COL25A1: variants seen among roughly 807,000 people sequenced by gnomAD.
The protein encoded by COL25A1 is collagen type XXV alpha 1 chain.
A neutral mutation model predicts 128.4 loss-of-function variants in COL25A1; 103 were observed. The observed-to-expected ratio is 0.80, with a 90% CI of 0.68 to 0.94. COL25A1 has a LOEUF of 0.94. Among genes scored for constraint, COL25A1 ranks in the 40% least tolerant of loss-of-function variants. The pLI is 0.00. For missense variants in COL25A1, 745 were observed against 840.0 expected (o/e 0.89, Z 1.40); for synonymous variants, 279 against 277.2 (o/e 1.01, Z -0.06).
At chr4:109,289,699 G>A (rs1245415230) in intron 3 of COL25A1, among the ~76,000 whole-genome samples, 1 of 152,048 alleles carries the variant, frequency 6.6e-6, no homozygotes, top group Non-Finnish European at 1.5e-5. Context: ...GAGAAAGGGA[G>A]GGAAGATAGG....
intron 13 of COL25A1, among the ~76,000 whole-genome samples, chr4:108,909,228 T>C (rs1743918629): frequency 6.6e-6 from 1 of 152,210 alleles, no homozygotes; most frequent in Admixed American, 6.5e-5. Flanking sequence ...AAGATGGAGT[T>C]GGTTGAGTCT....
chr4:109,174,118 G>C (rs1055951451), intron 3 of COL25A1, among the ~76,000 whole-genome samples: 1 of 152,118 alleles, frequency 6.6e-6, no homozygotes, highest in African/African-American at 2.4e-5. Flanking sequence ...TCTAAATTCT[G>C]TCCATAGACT....
At chr4:109,300,729 C>G (rs897518696) in intron 2 of COL25A1, 77 bp from the exon 3 acceptor site, 5 of 969,280 alleles carry the variant, frequency 5.2e-6, no homozygotes, top group Admixed American at 3.7e-5. Flanking sequence ...TCTGGCCATA[C>G]GCCTGATTTA....
chr4:108,860,418 T>A (rs1016753438), intron 23 of COL25A1, among the ~76,000 whole-genome samples: 12 of 152,156 alleles, frequency 7.9e-5, no homozygotes, highest in African/African-American at 2.7e-4. Context: ...TAGAACATTG[T>A]TCTGTAGAAA....
intron 3 of COL25A1, among the ~76,000 whole-genome samples, chr4:109,089,773 T>C (rs777367102): frequency 6.6e-5 from 10 of 152,220 alleles, no homozygotes; most frequent in South Asian, 6.2e-4. Context: ...GCCTGGCTAA[T>C]TTTTATATTT....
intron 26 of COL25A1, among the ~76,000 whole-genome samples, chr4:108,849,111 T>C (rs541603487): frequency 4.6e-5 from 7 of 152,314 alleles, no homozygotes; most frequent in African/African-American, 1.7e-4. Context: ...TAGCTGACCA[T>C]ATCCTATAGC....
chr4:109,115,897 T>C (rs1767503867), intron 3 of COL25A1, among the ~76,000 whole-genome samples: 1 of 152,006 alleles, frequency 6.6e-6, no homozygotes, highest in Non-Finnish European at 1.5e-5. Context: ...GCACCTACCA[T>C]GTATCCTAGA....
intron 13 of COL25A1, among the ~76,000 whole-genome samples, chr4:108,907,177 T>G (rs1293451116): frequency 1.3e-5 from 2 of 151,764 alleles, no homozygotes; most frequent in Non-Finnish European, 2.9e-5. Context: ...GCGAGGCGAG[T>G]GCGAGTTAGA....
intron 3 of COL25A1, among the ~76,000 whole-genome samples, chr4:109,058,268 A>G (rs910496326): frequency 2.0e-5 from 3 of 152,170 alleles, no homozygotes; most frequent in Non-Finnish European, 4.4e-5. Flanking sequence ...GGGATTTATC[A>G]TGACAGCTTT....
intron 3 of COL25A1, among the ~76,000 whole-genome samples, chr4:109,107,751 T>C (rs188089194): frequency 4.0e-5 from 6 of 151,808 alleles, no homozygotes; most frequent in Admixed American, 3.3e-4. Flanking sequence ...CCAGAACTGA[T>C]AGCCTTTACA....
intron 3 of COL25A1, among the ~76,000 whole-genome samples, chr4:109,273,171 C>T (rs758948707): frequency 2.0e-5 from 3 of 152,116 alleles, no homozygotes; most frequent in Non-Finnish European, 4.4e-5. Flanking sequence ...CCACTATAGC[C>T]ATAGGCTCAC....
chr4:109,104,606 T>A (rs1766232971), intron 3 of COL25A1, among the ~76,000 whole-genome samples: 1 of 151,762 alleles, frequency 6.6e-6, no homozygotes, highest in Admixed American at 6.6e-5. Flanking sequence ...TAACTACCAA[T>A]TAGAAGGAAA....
At chr4:109,278,410 T>C (rs1262796672) in intron 3 of COL25A1, among the ~76,000 whole-genome samples, 4 of 152,218 alleles carry the variant, frequency 2.6e-5, no homozygotes, top group Admixed American at 2.6e-4. Context: ...ATGCCTTAAA[T>C]TATTAATTTG....
chr4:109,198,999 G>A (rs1433036076), intron 3 of COL25A1, among the ~76,000 whole-genome samples: 1 of 152,124 alleles, frequency 6.6e-6, no homozygotes, highest in African/African-American at 2.4e-5. Flanking sequence ...TAACATGGAG[G>A]TGCACAGGTA....
At chr4:109,221,673 A>G (rs919427405) in intron 3 of COL25A1, among the ~76,000 whole-genome samples, 2 of 152,182 alleles carry the variant, frequency 1.3e-5, no homozygotes, top group Non-Finnish European at 2.9e-5. Flanking sequence ...TTGTGAAGTC[A>G]CTGCAATGCT....
intron 13 of COL25A1, among the ~76,000 whole-genome samples, chr4:108,912,395 C>CA (rs1305902032): frequency 1.3e-5 from 2 of 152,016 alleles, no homozygotes; most frequent in Non-Finnish European, 2.9e-5. Flanking sequence ...ACTTTTAACA[C>CA]AAAAAAGATT....
At chr4:109,244,118 G>T (rs1780094443) in intron 3 of COL25A1, among the ~76,000 whole-genome samples, 1 of 146,318 alleles carries the variant, frequency 6.8e-6, no homozygotes, top group Non-Finnish European at 1.5e-5. Flanking sequence ...TATCCCGGAA[G>T]AAGTAAAGAG....
intron 3 of COL25A1, among the ~76,000 whole-genome samples, chr4:109,114,308 G>A (rs370006621): frequency 6.6e-6 from 1 of 151,826 alleles, no homozygotes; most frequent in Non-Finnish European, 1.5e-5. Context: ...TAGTTCCTGA[G>A]ATCAACAGGA....
At chr4:109,080,990 G>A (rs1763785919) in intron 3 of COL25A1, among the ~76,000 whole-genome samples, 1 of 152,092 alleles carries the variant, frequency 6.6e-6, no homozygotes, top group African/African-American at 2.4e-5. Flanking sequence ...CATTGAACAG[G>A]TAACAAAAAG....
Sources: gnomAD v4.1 joint callset for allele counts (sites outside exome capture counted in the v4.1 genomes callset) on GRCh38, gnomAD v4.1.1 for gene constraint, MANE v1.5 for transcripts, NCBI Gene and HGNC (gene_info 2026-07-23, HGNC 2026-07-21) for gene names.